TFEC: variants seen among roughly 807,000 people sequenced by gnomAD.
The protein encoded by TFEC is class E basic helix-loop-helix protein 34.
A neutral mutation model predicts 41.6 loss-of-function variants in TFEC; 31 were observed. The ratio of observed to expected loss-of-function variants is 0.74; its 90% confidence interval spans 0.56 to 1.01. TFEC has a LOEUF of 1.01. Ranked by LOEUF, TFEC falls within the 50% of genes least tolerant of loss-of-function variation. TFEC has a pLI of 0.00. For synonymous variants in TFEC, 143 were observed against 140.6 expected, an observed-to-expected ratio of 1.02 and a Z score of -0.12; for missense variants, 402 against 404.1, an observed-to-expected ratio of 0.99 and a Z score of 0.04.
chr7:116,011,517 A>G (rs1189947659), intron 1 of TFEC, among the ~76,000 whole-genome samples: 1 of 152,188 alleles, frequency 6.6e-6, no homozygotes, highest in African/African-American at 2.4e-5. Context: ...AATAGTATGA[A>G]GAACTGTCCT....
intron 3 of TFEC, among the ~76,000 whole-genome samples, chr7:116,048,769 T>C (rs1584450919): frequency 6.6e-6 from 1 of 152,182 alleles, no homozygotes; most frequent in African/African-American, 2.4e-5. Flanking sequence ...CCCATCAGAC[T>C]AACAGTGGAT....
At chr7:116,154,942 T>C (rs1404616712) in intron 1 of TFEC, among the ~76,000 whole-genome samples, 1 of 152,198 alleles carries the variant, frequency 6.6e-6, no homozygotes, top group Admixed American at 6.6e-5. Flanking sequence ...CCCTGGTTTT[T>C]CCTCTTCTGC....
At chr7:116,050,240 A>C (rs528550582) in intron 3 of TFEC, among the ~76,000 whole-genome samples, 52 of 152,344 alleles carry the variant, frequency 3.4e-4, no homozygotes, top group Non-Finnish European at 7.1e-4. Flanking sequence ...AGCTAGCAAG[A>C]CTAATAAAGA....
intron 1 of TFEC, among the ~76,000 whole-genome samples, chr7:116,114,729 A>G (rs944283395): frequency 6.6e-6 from 1 of 152,058 alleles, no homozygotes; most frequent in African/African-American, 2.4e-5. Flanking sequence ...TCACAAAAGC[A>G]GCATCCGAGA....
At chr7:116,137,745 A>G (rs550161140) in intron 1 of TFEC, among the ~76,000 whole-genome samples, 2 of 152,284 alleles carry the variant, frequency 1.3e-5, no homozygotes, top group East Asian at 3.9e-4. Context: ...TGGGCTTTTT[A>G]GTTCACAAGT....
chr7:116,087,535 G>C (rs1797229299), intron 3 of TFEC, among the ~76,000 whole-genome samples: 1 of 151,884 alleles, frequency 6.6e-6, no homozygotes, highest in African/African-American at 2.4e-5. Flanking sequence ...TCACCCATAA[G>C]CTGTTAAGAT....
In TFEC at chr7:116,037,646, A is replaced by C. The variant is rs1795941304; in HGVS notation, c.199-53133T>G. On this transcript the variant is annotated intron_variant, in intron 3 of 8. Coordinates refer to the TFEC transcript ENST00000484212. ...TTGCCTGTATAACACTTTAAGACAA[A>C]CATTAAATGTCAAATTTGGCCTTGG... is the stretch of plus-strand genomic sequence containing the variant. Among the ~76,000 whole-genome samples the C allele has an allele frequency of 1.3e-5, 2 of 152,022 alleles. 1 individual carries two copies. The highest frequency in any genetic ancestry group is 4.1e-4 in the South Asian group (2 of 4,836).
At chr7:116,053,051 G>A (rs1342622029) in intron 3 of TFEC, among the ~76,000 whole-genome samples, 1 of 151,932 alleles carries the variant, frequency 6.6e-6, no homozygotes, top group Non-Finnish European at 1.5e-5. Flanking sequence ...CACCATGGGC[G>A]ACGGAGCGAG....
intron 3 of TFEC, among the ~76,000 whole-genome samples, chr7:115,960,426 G>A (rs1305275936): frequency 6.6e-6 from 1 of 151,622 alleles, no homozygotes; most frequent in Non-Finnish European, 1.5e-5. Context: ...GATATTTAAA[G>A]AATATGCTCA....
intron 2 of TFEC, chr7:116,111,022 A>ATT: frequency 1.8e-6 from 1 of 554,028 alleles, no homozygotes; most frequent in Non-Finnish European, 2.8e-6. Flanking sequence ...AATTTAGTAA[A>ATT]TGATAAGGGA....
chr7:116,144,467 C>T (rs991936521), intron 1 of TFEC, among the ~76,000 whole-genome samples: 11 of 152,094 alleles, frequency 7.2e-5, no homozygotes, highest in Non-Finnish European at 1.0e-4. Flanking sequence ...TGGTCAAACA[C>T]GGTCTAGATT....
At chr7:115,949,897 A>G (rs966372420) in intron 6 of TFEC, among the ~76,000 whole-genome samples, 3 of 152,162 alleles carry the variant, frequency 2.0e-5, no homozygotes, top group Non-Finnish European at 4.4e-5. Context: ...GGAAACTACC[A>G]TCAGAATGAA....
intron 4 of TFEC, 111 bp from the exon 5 acceptor site, chr7:115,954,753 G>T: frequency 2.6e-6 from 2 of 757,250 alleles, no homozygotes; most frequent in Non-Finnish European, 4.1e-6. Flanking sequence ...GCTCCAAAAC[G>T]GTACAATAAT....
At chr7:116,102,348 T>C (rs1797623491) in intron 3 of TFEC, among the ~76,000 whole-genome samples, 1 of 152,150 alleles carries the variant, frequency 6.6e-6, no homozygotes, top group Non-Finnish European at 1.5e-5. Context: ...TTCATTGGTG[T>C]GTTTGTTTGG....
At chr7:116,139,565 A>T (rs963891433) in intron 1 of TFEC, among the ~76,000 whole-genome samples, 1 of 152,224 alleles carries the variant, frequency 6.6e-6, no homozygotes, top group Non-Finnish European at 1.5e-5. Context: ...AGTTTAAATC[A>T]TTGAACCTTG....
At chr7:115,977,786 A>G (rs1793450847) in intron 2 of TFEC, among the ~76,000 whole-genome samples, 1 of 152,054 alleles carries the variant, frequency 6.6e-6, no homozygotes, top group African/African-American at 2.4e-5. Context: ...ATACATAGAT[A>G]AATTCTATAA....
intron 1 of TFEC, chr7:116,112,068 T>C: frequency 6.2e-6 from 6 of 963,896 alleles, no homozygotes; most frequent in Non-Finnish European, 7.4e-6. Context: ...GAGAAGTTAC[T>C]GTTTTTTAAC....
intron 1 of TFEC, among the ~76,000 whole-genome samples, chr7:115,992,233 A>G (rs1198323470): frequency 1.3e-5 from 2 of 152,356 alleles, no homozygotes; most frequent in African/African-American, 2.4e-5. Flanking sequence ...TTATAGCACT[A>G]AATGCCCACA....
intron 1 of TFEC, among the ~76,000 whole-genome samples, chr7:116,008,486 A>T (rs1451934588): frequency 6.6e-6 from 1 of 152,182 alleles, no homozygotes; most frequent in Non-Finnish European, 1.5e-5. Context: ...TTAATAAATG[A>T]ACTAAAACTC....
Sources: gnomAD v4.1 joint callset for allele counts (sites outside exome capture counted in the v4.1 genomes callset) on GRCh38, gnomAD v4.1.1 for gene constraint, MANE v1.5 for transcripts, NCBI Gene and HGNC (gene_info 2026-07-23, HGNC 2026-07-21) for gene names.